KCNJ6: variants seen among roughly 807,000 people sequenced by gnomAD.
The protein encoded by KCNJ6 is potassium inwardly rectifying channel subfamily J member 6, also known as G protein-activated inward rectifier potassium channel 2.
KCNJ6 carries 9 observed loss-of-function variants against 34.2 expected under a neutral mutation model. The observed-to-expected ratio is 0.26, with a 90% confidence interval of 0.16 to 0.46. The LOEUF (loss-of-function observed/expected upper bound fraction) is 0.46, where lower values mean the gene tolerates loss of function less well. KCNJ6 is among the 20% of genes least tolerant of loss of function. The probability of loss-of-function intolerance (pLI) is 1.00; values close to 1 mark genes in which losing one functional copy is unlikely to be tolerated. For missense variants in KCNJ6, 236 were observed against 531.3 expected (o/e 0.44, Z 5.46); for synonymous variants, 196 against 207.1 (o/e 0.95, Z 0.46).
intron 2 of KCNJ6, among the ~76,000 whole-genome samples, chr21:37,723,007 T>C (rs1456384692): frequency 6.6e-6 from 1 of 152,008 alleles, no homozygotes; most frequent in Non-Finnish European, 1.5e-5. Context: ...ACAACCAAGG[T>C]AATGGGAGAT....
chr21:37,806,343 GTAT>G (rs1353029662), intron 2 of KCNJ6, among the ~76,000 whole-genome samples: 11 of 152,194 alleles, frequency 7.2e-5, no homozygotes. Flanking sequence ...CAGGCACTGT[GTAT>G]GTGGTATAAT....
chr21:37,860,515 G>A (rs996643674), intron 1 of KCNJ6, among the ~76,000 whole-genome samples: 3 of 152,136 alleles, frequency 2.0e-5, no homozygotes, highest in Admixed American at 6.5e-5. Context: ...TTATTTCCCT[G>A]GCTTAAAACC....
rs922367949 is a variant in KCNJ6, at chr21:37,747,389, A to AT, written c.26-32259dup. On this transcript the variant is annotated intron_variant, in intron 2 of 3. Transcript: ENST00000609713. ...TGCTCCAAAGGGATGAAGCTTTGGGATTTTTATTAGGAAAAGCTGGCAAAG... is the reference window on the plus strand; with the variant it reads ...TGCTCCAAAGGGATGAAGCTTTGGGATTTTTTATTAGGAAAAGCTGGCAAAG... Among the ~76,000 whole-genome samples, 75 of 152,288 alleles carry AT rather than the reference A, an allele frequency of 4.9e-4. No individual in the cohort carries two copies. In the Middle Eastern group the frequency reaches 0.014, roughly 28 times the overall value.
intron 3 of KCNJ6, among the ~76,000 whole-genome samples, chr21:37,627,042 G>A (rs1403345152): frequency 6.6e-6 from 1 of 152,186 alleles, no homozygotes; most frequent in Non-Finnish European, 1.5e-5. Flanking sequence ...GCTGCTTTGT[G>A]CTGAATGCAG....
At chr21:37,803,732 A>G (rs1486059460) in intron 2 of KCNJ6, among the ~76,000 whole-genome samples, 2 of 152,128 alleles carry the variant, frequency 1.3e-5, no homozygotes, top group Non-Finnish European at 2.9e-5. Flanking sequence ...TTCAAATTAA[A>G]ATGAACACAC....
At chr21:37,861,627 C>T (rs2055595453) in intron 1 of KCNJ6, among the ~76,000 whole-genome samples, 1 of 152,130 alleles carries the variant, frequency 6.6e-6, no homozygotes, top group African/African-American at 2.4e-5. Context: ...CATTTTTCAG[C>T]ACACTTCAGT....
At chr21:37,825,451 A>T (rs905937089) in intron 2 of KCNJ6, among the ~76,000 whole-genome samples, 3 of 152,264 alleles carry the variant, frequency 2.0e-5, no homozygotes, top group East Asian at 3.9e-4. Context: ...CCTATGGATA[A>T]CTGGGCAACA....
chr21:37,793,154 A>C (rs1378859164), intron 2 of KCNJ6, among the ~76,000 whole-genome samples: 2 of 152,214 alleles, frequency 1.3e-5, no homozygotes, highest in Non-Finnish European at 2.9e-5. Flanking sequence ...TTCATGGTTG[A>C]AGTGTTATTT....
At chr21:37,806,235 C>A (rs139577140) in intron 2 of KCNJ6, among the ~76,000 whole-genome samples, 2 of 152,060 alleles carry the variant, frequency 1.3e-5, no homozygotes, top group Non-Finnish European at 2.9e-5. Flanking sequence ...AGGTAGATAG[C>A]GGATGGGGAC....
chr21:37,871,051 C>G (rs1405101769), intron 1 of KCNJ6, among the ~76,000 whole-genome samples: 3 of 152,132 alleles, frequency 2.0e-5, no homozygotes, highest in African/African-American at 7.2e-5. Context: ...CCATTCATTA[C>G]CTTTTTTTTT....
intron 3 of KCNJ6, among the ~76,000 whole-genome samples, chr21:37,633,584 A>G (rs975130772): frequency 6.6e-6 from 1 of 152,188 alleles, no homozygotes; most frequent in Non-Finnish European, 1.5e-5. Context: ...TAGTACAACT[A>G]TTAGGATTAC....
chr21:37,829,213 G>A (rs1378258886), intron 2 of KCNJ6, among the ~76,000 whole-genome samples: 1 of 151,556 alleles, frequency 6.6e-6, no homozygotes. Flanking sequence ...GAGCCAGGTG[G>A]CAGATTGTGG....
At chr21:37,873,297 G>A (rs905466983) in intron 1 of KCNJ6, among the ~76,000 whole-genome samples, 7 of 152,164 alleles carry the variant, frequency 4.6e-5, no homozygotes, top group Middle Eastern at 3.2e-3. Flanking sequence ...AGCACGTTAC[G>A]CGAATCCTTG....
intron 3 of KCNJ6, among the ~76,000 whole-genome samples, chr21:37,665,982 C>T (rs1488790153): frequency 1.3e-5 from 2 of 152,166 alleles, no homozygotes; most frequent in African/African-American, 4.8e-5. Flanking sequence ...TGAGCAGGCC[C>T]AGCTAGTTGC....
chr21:37,621,555 A>T lies in KCNJ6; in HGVS notation c.*3604T>A, dbSNP rs2054289987. 1 of 152,232 alleles carries T rather than the reference A, an allele frequency of 6.6e-6. No individual in the cohort carries two copies. The highest frequency in any genetic ancestry group is 1.5e-5 in the Non-Finnish European group (1 of 68,036). 9.4% of individuals were successfully genotyped at this position (152,232 alleles called of 1,614,324 possible). ...AGACTATTAAATGAAGTCATGAATA[A>T]TTTTTAAATTGGAGTGCAGTGAAAA... On this transcript the variant is annotated 3_prime_UTR_variant, in exon 4 of 4. Transcript: ENST00000609713.
intron 3 of KCNJ6, among the ~76,000 whole-genome samples, chr21:37,635,545 C>A (rs946310197): frequency 6.6e-6 from 1 of 151,500 alleles, no homozygotes; most frequent in Non-Finnish European, 1.5e-5. Context: ...GAGACAGGGT[C>A]TCTCTCTGTT....
At chr21:37,627,701 A>G (rs2054317521) in intron 3 of KCNJ6, among the ~76,000 whole-genome samples, 1 of 152,240 alleles carries the variant, frequency 6.6e-6, no homozygotes, top group Admixed American at 6.5e-5. Context: ...CTAGAAGACC[A>G]CATGCATGTG....
At chr21:37,844,258 C>T (rs1327011609) in intron 1 of KCNJ6, among the ~76,000 whole-genome samples, 1 of 152,096 alleles carries the variant, frequency 6.6e-6, no homozygotes, top group Non-Finnish European at 1.5e-5. Flanking sequence ...TGGGGTTTCA[C>T]CACGTTGGCC....
intron 3 of KCNJ6, among the ~76,000 whole-genome samples, chr21:37,664,747 T>C (rs1314146851): frequency 4.0e-5 from 6 of 151,002 alleles, no homozygotes; most frequent in Non-Finnish European, 8.9e-5. Flanking sequence ...ATTTAAGGAA[T>C]AGATAATTCC....
Sources: gnomAD v4.1 joint callset for allele counts (sites outside exome capture counted in the v4.1 genomes callset) on GRCh38, gnomAD v4.1.1 for gene constraint, MANE v1.5 for transcripts, NCBI Gene and HGNC (gene_info 2026-07-23, HGNC 2026-07-21) for gene names.